The following NOVA1 variants were observed in gnomAD, a reference collection of about 807,000 sequenced individuals.
NOVA1 encodes the protein RNA-binding protein Nova-1.
In NOVA1, 7 loss-of-function variants were observed where a neutral mutation model predicts 38.0. The observed-to-expected ratio is 0.18, with a 90% CI of 0.10 to 0.35. NOVA1 has a LOEUF of 0.35. Among genes scored for constraint, NOVA1 ranks in the 10% least tolerant of loss-of-function variants. The pLI, the probability that NOVA1 is intolerant of heterozygous loss-of-function variation, is 1.00. For missense variants in NOVA1, 460 were observed against 616.0 expected, an observed-to-expected ratio of 0.75 and a Z score of 2.68; for synonymous variants, 270 against 232.5, an observed-to-expected ratio of 1.16 and a Z score of -1.47.
intron 2 of NOVA1, among the ~76,000 whole-genome samples, chr14:26,516,752 A>T (rs1406877100): frequency 1.3e-5 from 2 of 152,174 alleles, no homozygotes; most frequent in African/African-American, 4.8e-5. Flanking sequence ...GCAACAGCAC[A>T]CTGTCTCAAT....
At position 26,448,252 on chromosome 14, in the gene NOVA1, G is replaced by A; in HGVS notation, c.1231C>T (p.Leu411=). ...CCATCTGTGGACTTTTCTGTTCCTA[G>A]AATGGCACTGGCAGCTAGGGGAGAA... The part of the protein sequence containing the change: ...AASPLAASAI[L]GTEKSTDGSK... The change falls in exon 5 of 5, where the codon CTA becomes TTA. Residue 411 remains leucine (L), a synonymous_variant. Coordinates refer to ENST00000539517, the MANE Select transcript of NOVA1 (RefSeq NM_002515.3). The surrounding 1 kb of genome is among the most constrained non-coding windows in gnomAD (Gnocchi z 5.3). 1 of 1,614,180 alleles carries A rather than the reference G, an allele frequency of 6.2e-7. No individual in the cohort carries two copies. Among genetic ancestry groups the A allele is most frequent in the Non-Finnish European group, 8.5e-7 (1 of 1,180,042 alleles).
intron 2 of NOVA1, among the ~76,000 whole-genome samples, chr14:26,522,646 T>C (rs568871830): frequency 2.4e-4 from 36 of 152,264 alleles, no homozygotes; most frequent in Admixed American, 6.5e-4. Context: ...ATAGGCTTTA[T>C]TATGGTTAAA....
intron 2 of NOVA1, chr14:26,592,877 C>T (rs1210043732): frequency 6.6e-6 from 1 of 151,656 alleles, no homozygotes; most frequent in Admixed American, 6.6e-5. Flanking sequence ...TCCGAAAACA[C>T]ACTAGTATTT....
intron 2 of NOVA1, among the ~76,000 whole-genome samples, chr14:26,578,595 G>A (rs1893014053): frequency 6.6e-6 from 1 of 152,130 alleles, no homozygotes; most frequent in African/African-American, 2.4e-5. Flanking sequence ...AGATCTGGTG[G>A]TAGGAGCTTA....
Position 26,597,497 on chromosome 14 carries a change from T to C in NOVA1, c.-61A>G. 8.3e-7 allele frequency: 1 copy of C among 1,198,386 alleles called. No individual in the cohort carries two copies. The highest frequency in any genetic ancestry group is 1.7e-5 in the African/African-American group (1 of 59,790). 74.2% of individuals were successfully genotyped at this position (1,198,386 alleles called of 1,614,324 possible). ...TCTCCCTTTTGTTTTGGCTTTTTCT[T>C]TTCTTTTTTCTTTTTTTTTTTTTTT... is the stretch of plus-strand genomic sequence containing the variant. On this transcript the variant is annotated 5_prime_UTR_variant, in exon 1 of 5. Transcript: ENST00000539517.
chr14:26,482,489 G>A (rs1885550084), intron 2 of NOVA1, among the ~76,000 whole-genome samples: 1 of 152,012 alleles, frequency 6.6e-6, no homozygotes, highest in Admixed American at 6.6e-5. Context: ...TAAAAAAAAT[G>A]AGCCTATAAA....
chr14:26,463,076 T>C (rs972025731), intron 4 of NOVA1, among the ~76,000 whole-genome samples: 1 of 152,178 alleles, frequency 6.6e-6, no homozygotes, highest in Non-Finnish European at 1.5e-5. Context: ...GGCTAGTTTA[T>C]GCAGATCTAA....
chr14:26,463,469 T>C (rs956280238), intron 4 of NOVA1, among the ~76,000 whole-genome samples: 1 of 152,174 alleles, frequency 6.6e-6, no homozygotes, highest in Non-Finnish European at 1.5e-5. Context: ...AACATGTTTT[T>C]ATATCTGTAT....
chr14:26,556,358 A>T (rs1195125594), intron 2 of NOVA1, among the ~76,000 whole-genome samples: 2 of 152,180 alleles, frequency 1.3e-5, no homozygotes, highest in African/African-American at 4.8e-5. Flanking sequence ...CAACATAGTC[A>T]ACTGATTTTT....
rs1392180136 is a variant in NOVA1 at position 26,585,290 on chromosome 14, ATACCTTGATATTTAAG to A, written c.280+10104_280+10119del. ...TAATTTCAAATAAAGTAACATACTA[ATACCTTGATATTTAAG>A]TTAGTCAAACTATAAGCAAATAAGT... On this transcript the variant is annotated intron_variant, in intron 2 of 4. Transcript: ENST00000539517. 4.0e-5 allele frequency among the ~76,000 whole-genome samples: 6 copies of A among 151,490 alleles called. No individual in the cohort carries two copies. In the East Asian group the frequency reaches 9.7e-4, roughly 24 times the overall value.
rs536399509 is a variant in NOVA1, at chr14:26,530,406, A to G, written c.281-50263T>C. ...TATCAAACATTCTGTTAAGATTAAA[A>G]AAGCAAGTATAATATGTTCATTTAG... On this transcript the variant is annotated intron_variant, in intron 2 of 4. Coordinates refer to ENST00000539517, the MANE Select transcript of NOVA1 (RefSeq NM_002515.3). Among the ~76,000 whole-genome samples, 4 of 152,350 alleles carry G rather than the reference A, an allele frequency of 2.6e-5. No individual in the cohort carries two copies. The South Asian group carries it at 8.3e-4, about 32-fold the overall frequency.
At chr14:26,558,806 A>AT (rs1235556453) in intron 2 of NOVA1, among the ~76,000 whole-genome samples, 1 of 152,146 alleles carries the variant, frequency 6.6e-6, no homozygotes, top group Non-Finnish European at 1.5e-5. Flanking sequence ...ATTGATACAT[A>AT]AGGTTATATT....
chr14:26,584,630 T>C (rs918917238), intron 2 of NOVA1, among the ~76,000 whole-genome samples: 1 of 151,350 alleles, frequency 6.6e-6, no homozygotes, highest in Non-Finnish European at 1.5e-5. Flanking sequence ...ATCCAATCAA[T>C]ACCAAACTAC....
intron 2 of NOVA1, among the ~76,000 whole-genome samples, chr14:26,537,213 T>A (rs1890160772): frequency 6.6e-6 from 1 of 151,890 alleles, no homozygotes; most frequent in African/African-American, 2.4e-5. Context: ...AAATCATGCT[T>A]GTGAAAAATG....
chr14:26,581,540 AG>A (rs1893223142), intron 2 of NOVA1, among the ~76,000 whole-genome samples: 1 of 152,056 alleles, frequency 6.6e-6, no homozygotes, highest in Non-Finnish European at 1.5e-5. Flanking sequence ...ATAGGAAAAT[AG>A]AAAGATATCA....
intron 2 of NOVA1, among the ~76,000 whole-genome samples, chr14:26,514,123 T>C (rs1015554057): frequency 7.9e-5 from 12 of 151,758 alleles, no homozygotes; most frequent in Non-Finnish European, 1.3e-4. Context: ...GGAATCAGGA[T>C]TGATCACATT....
At chr14:26,453,623 T>A (rs1882915523) in intron 4 of NOVA1, among the ~76,000 whole-genome samples, 1 of 152,078 alleles carries the variant, frequency 6.6e-6, no homozygotes, top group African/African-American at 2.4e-5. Flanking sequence ...TGTTTCTAAT[T>A]AAAAACAGAC....
intron 2 of NOVA1, among the ~76,000 whole-genome samples, chr14:26,482,992 G>A (rs1003488364): frequency 1.3e-5 from 2 of 152,060 alleles, no homozygotes; most frequent in Non-Finnish European, 2.9e-5. Context: ...CACCACGCCC[G>A]GCTTAAGAGA....
intron 2 of NOVA1, chr14:26,519,601 A>G (rs1374374587): frequency 6.6e-6 from 1 of 152,178 alleles, no homozygotes; most frequent in African/African-American, 2.4e-5. Context: ...TTGAAAGAGA[A>G]ACAGGAATCA....
Sources: allele counts gnomAD v4.1 joint callset (sites outside exome capture counted in the v4.1 genomes callset), GRCh38; gene constraint gnomAD v4.1.1; non-coding constraint Gnocchi (gnomAD v3.1); transcripts MANE v1.5; gene names NCBI Gene and HGNC (gene_info 2026-07-23, HGNC 2026-07-21).